Variants in UNC13C observed in about 807,000 individuals in gnomAD.
UNC13C encodes the protein protein unc-13 homolog C.
A neutral mutation model predicts 245.4 loss-of-function variants in UNC13C; 174 were observed. That is an observed-to-expected ratio of 0.71 (90% CI 0.63 to 0.80). The LOEUF is 0.80. Ranked by LOEUF, UNC13C falls within the 30% of genes least tolerant of loss-of-function variation. UNC13C has a pLI of 0.00. For synonymous variants in UNC13C, 992 were observed against 895.1 expected (o/e 1.11, Z -1.93); for missense variants, 2,829 against 2,602.9 (o/e 1.09, Z -1.89).
At chr15:54,402,770 G>A (rs1221458786) in intron 18 of UNC13C, among the ~76,000 whole-genome samples, 1 of 152,108 alleles carries the variant, frequency 6.6e-6, no homozygotes, top group Non-Finnish European at 1.5e-5. Context: ...AATGTAAGCA[G>A]CCCTTTGAAA....
chr15:54,593,727 C>T (rs938830110), intron 30 of UNC13C, among the ~76,000 whole-genome samples: 1 of 151,432 alleles, frequency 6.6e-6, no homozygotes, highest in Non-Finnish European at 1.5e-5. Flanking sequence ...ATATTTTTCC[C>T]TTCACTTCTT....
chr15:54,459,530 A>G lies in UNC13C; in HGVS notation c.4934-35078A>G, dbSNP rs77504559. The stretch of plus-strand genomic sequence containing the variant: ...TTTTTCTTCCTCCGCAGGAACACCA[A>G]TTATTCTTACGTTTGGTTGTTTAAC... On this transcript the variant is annotated intron_variant, in intron 19 of 32. Coordinates refer to ENST00000260323, the MANE Select transcript of UNC13C (RefSeq NM_001080534.3). Among the ~76,000 whole-genome samples, 548 of 152,232 alleles carry G rather than the reference A, an allele frequency of 3.6e-3. 10 individuals are homozygous for G. Among genetic ancestry groups the G allele is most frequent in the East Asian group, 0.026 (135 of 5,182 alleles).
chr15:54,338,560 A>T (rs12913366), intron 17 of UNC13C, 71 bp downstream of exon 17: 1 of 1,514,636 alleles, frequency 6.6e-7, no homozygotes, highest in Non-Finnish European at 9.0e-7. Context: ...AGTTTAGCAT[A>T]ATAGTAAATA....
chr15:54,417,761 A>T (rs1028546240), intron 19 of UNC13C, among the ~76,000 whole-genome samples: 9 of 152,204 alleles, frequency 5.9e-5, no homozygotes, highest in African/African-American at 2.2e-4. Flanking sequence ...GGCATATAGT[A>T]GTTGCTCAAT....
At chr15:54,483,502 T>C (rs1216628047) in intron 19 of UNC13C, among the ~76,000 whole-genome samples, 2 of 152,174 alleles carry the variant, frequency 1.3e-5, no homozygotes, top group Non-Finnish European at 2.9e-5. Context: ...TTTTCTTTTC[T>C]TTTCTTTTTT....
chr15:54,151,838 G>C (rs10083576), intron 4 of UNC13C, among the ~76,000 whole-genome samples: 8 of 150,632 alleles, frequency 5.3e-5, no homozygotes, highest in African/African-American at 2.0e-4. Flanking sequence ...GTTCCATAAT[G>C]GATCTACACA....
chr15:54,070,292 A>T (rs1296024570), intron 2 of UNC13C, among the ~76,000 whole-genome samples: 1 of 152,220 alleles, frequency 6.6e-6, no homozygotes, highest in African/African-American at 2.4e-5. Flanking sequence ...CATCACCCTC[A>T]AGGACCCTCA....
intron 30 of UNC13C, among the ~76,000 whole-genome samples, chr15:54,591,999 T>C (rs1898818238): frequency 6.6e-6 from 1 of 152,142 alleles, no homozygotes; most frequent in Admixed American, 6.6e-5. Context: ...GTATAATTAT[T>C]ATTGTCATTG....
At chr15:53,848,364 A>G in the UNC13C span, among the ~76,000 whole-genome samples, 1 of 152,028 alleles carries the variant, frequency 6.6e-6, no homozygotes, top group Non-Finnish European at 1.5e-5. Context: ...AATATTTTCT[A>G]ATTTGACTTG....
At chr15:54,452,783 G>C (rs1412610026) in intron 19 of UNC13C, among the ~76,000 whole-genome samples, 1 of 152,236 alleles carries the variant, frequency 6.6e-6, no homozygotes, top group Non-Finnish European at 1.5e-5. Context: ...TAGCTGGCTG[G>C]GGAGTGTGCA....
At chr15:54,174,922 G>A (rs2033554338) in intron 4 of UNC13C, among the ~76,000 whole-genome samples, 1 of 152,166 alleles carries the variant, frequency 6.6e-6, no homozygotes, top group South Asian at 2.1e-4. Flanking sequence ...AACTCAATCG[G>A]AAGGAACCTC....
At chr15:54,509,405 AC>A (rs1398627847) in intron 23 of UNC13C, among the ~76,000 whole-genome samples, 1 of 152,224 alleles carries the variant, frequency 6.6e-6, no homozygotes, top group Non-Finnish European at 1.5e-5. Flanking sequence ...AATTAGAATT[AC>A]TTTTATTTTA....
chr15:54,454,074 C>T (rs1891333574), intron 19 of UNC13C, among the ~76,000 whole-genome samples: 2 of 151,910 alleles, frequency 1.3e-5, no homozygotes. Flanking sequence ...AAGGTTTACC[C>T]ATATTGTAAC....
At chr15:53,923,882 T>A in the UNC13C span, among the ~76,000 whole-genome samples, 257 of 152,312 alleles carry the variant, frequency 1.7e-3, no homozygotes, top group Middle Eastern at 3.4e-3. Context: ...TCTAAGTTGA[T>A]TAATCCAGGT....
intron 21 of UNC13C, 115 bp from the exon 22 acceptor site, chr15:54,500,719 CT>C: frequency 1.2e-6 from 1 of 809,100 alleles, no homozygotes; most frequent in Non-Finnish European, 1.9e-6. Flanking sequence ...CATTTTATTA[CT>C]GGGAAATGTA....
chr15:54,009,721 A>G (rs1041016223), intron 1 of UNC13C, among the ~76,000 whole-genome samples: 2 of 151,916 alleles, frequency 1.3e-5, no homozygotes, highest in African/African-American at 4.8e-5. Flanking sequence ...TAATTTTTGT[A>G]TTTTTAGTAC....
intron 10 of UNC13C, among the ~76,000 whole-genome samples, chr15:54,284,318 T>C (rs1443872956): frequency 6.6e-6 from 1 of 152,190 alleles, no homozygotes; most frequent in Admixed American, 6.5e-5. Flanking sequence ...TAATATCTAA[T>C]GAGGAATTAA....
At chr15:54,617,298 C>T (rs1172777276) in intron 30 of UNC13C, among the ~76,000 whole-genome samples, 1 of 151,848 alleles carries the variant, frequency 6.6e-6, no homozygotes, top group African/African-American at 2.4e-5. Context: ...TTTTAAATGC[C>T]ATTAAAACTA....
rs55925649 is a variant in UNC13C at position 54,175,508 on chromosome 15, A to ATTTTTTTTTTTTTTTTTTTTTTTTTT, written c.3071+31846_3071+31847insTTTTTTTTTTTTTTTTTTTTTTTTTT. Among the ~76,000 whole-genome samples the ATTTTTTTTTTTTTTTTTTTTTTTTTT allele has an allele frequency of 1.3e-4, 14 of 105,986 alleles. No individual in the cohort carries two copies. In the East Asian group the frequency reaches 2.4e-3, roughly 18 times the overall value. 69.5% of individuals were successfully genotyped at this position (105,986 alleles called of 152,430 possible). On this transcript the variant is annotated intron_variant, in intron 4 of 32. Transcript: ENST00000260323. The stretch of plus-strand genomic sequence containing the variant: ...AAAACACTGTTGTTGTGGCCCTAGA[A>ATTTTTTTTTTTTTTTTTTTTTTTTTT]TTTTTTTTTTTTTTTTTTTTTTGAG...
Sources: allele counts gnomAD v4.1 joint callset (sites outside exome capture counted in the v4.1 genomes callset), GRCh38; gene constraint gnomAD v4.1.1; transcripts MANE v1.5; gene names NCBI Gene and HGNC (gene_info 2026-07-23, HGNC 2026-07-21).